The following CCDC7 variants were observed in gnomAD, a reference collection of about 807,000 sequenced individuals.
The protein encoded by CCDC7 is coiled-coil domain containing 7.
A neutral mutation model predicts 196.9 loss-of-function variants in CCDC7; 183 were observed. The ratio of observed to expected loss-of-function variants is 0.93; its 90% CI spans 0.82 to 1.05. The LOEUF (loss-of-function observed/expected upper bound fraction) is 1.05, where lower values mean the gene tolerates loss of function less well. Among genes scored for constraint, CCDC7 ranks in the 50% least tolerant of loss-of-function variants. The pLI is 0.00. For synonymous variants in CCDC7, 525 were observed against 484.6 expected (o/e 1.08, Z -1.10); for missense variants, 1,540 against 1,482.2 (o/e 1.04, Z -0.64).
intron 21 of CCDC7, among the ~76,000 whole-genome samples, chr10:32,669,501 T>A (rs2073608430): frequency 6.6e-6 from 1 of 152,134 alleles, no homozygotes; most frequent in African/African-American, 2.4e-5. Context: ...TAGTAGTGTA[T>A]CCATGAGGTC....
chr10:32,613,378 A>AT (rs199715366), intron 18 of CCDC7, among the ~76,000 whole-genome samples: 16,303 of 151,848 alleles, frequency 0.11, 1,071 homozygotes, highest in South Asian at 0.25. Flanking sequence ...GGATTCATTG[A>AT]TTTTTTTGAA....
chr10:32,511,526 G>T, intron 9 of CCDC7: 1 of 1,604,148 alleles, frequency 6.2e-7, no homozygotes, highest in South Asian at 1.1e-5. Flanking sequence ...TCCTTGGGTT[G>T]CCAAATAAAC....
At chr10:32,845,059 A>ATGGT (rs2136161787) in intron 33 of CCDC7, among the ~76,000 whole-genome samples, 184 bp from the exon 35 acceptor site, 1 of 151,932 alleles carries the variant, frequency 6.6e-6, no homozygotes, top group East Asian at 1.9e-4. Context: ...ACTAATATTT[A>ATGGT]TGGTTTATTC....
intron 13 of CCDC7, among the ~76,000 whole-genome samples, chr10:32,559,832 G>A (rs2055114900): frequency 6.6e-6 from 1 of 152,258 alleles, no homozygotes; most frequent in Admixed American, 6.5e-5. Flanking sequence ...GAATGACTTT[G>A]ACGAGTTGAG....
At chr10:32,505,325 T>G (rs1302762687) in intron 9 of CCDC7, among the ~76,000 whole-genome samples, 1 of 152,002 alleles carries the variant, frequency 6.6e-6, no homozygotes, top group Non-Finnish European at 1.5e-5. Flanking sequence ...TAGGCAGAGG[T>G]CCCTGCGGCC....
intron 23 of CCDC7, among the ~76,000 whole-genome samples, chr10:32,691,431 T>A (rs1410147000): frequency 6.6e-6 from 1 of 152,086 alleles, no homozygotes; most frequent in Non-Finnish European, 1.5e-5. Flanking sequence ...GGTGCCAAAT[T>A]ACCATTTTTA....
intron 13 of CCDC7, among the ~76,000 whole-genome samples, chr10:32,565,096 G>T (rs1025490674): frequency 7.9e-5 from 12 of 152,160 alleles, no homozygotes; most frequent in African/African-American, 2.9e-4. Flanking sequence ...TGTCTAGTGG[G>T]AACTCAGTCA....
intron 24 of CCDC7, among the ~76,000 whole-genome samples, chr10:32,706,112 A>C (rs1454836548): frequency 1.3e-5 from 2 of 152,266 alleles, no homozygotes; most frequent in East Asian, 3.8e-4. Context: ...AAATTATAAC[A>C]AACTGTCTCT....
At chr10:32,461,762 T>TGC (rs2035791857) in intron 3 of CCDC7, among the ~76,000 whole-genome samples, 1 of 121,958 alleles carries the variant, frequency 8.2e-6, no homozygotes, top group African/African-American at 3.0e-5. Context: ...CATATATATA[T>TGC]ATGCACATAT....
chr10:32,831,474 T>C (rs2092160407), intron 32 of CCDC7, among the ~76,000 whole-genome samples: 3 of 151,158 alleles, frequency 2.0e-5, no homozygotes, highest in Non-Finnish European at 4.4e-5. Flanking sequence ...CTATAAACTT[T>C]TATTTTTTTA....
At chr10:32,502,012 G>A (rs1008366966) in intron 9 of CCDC7, among the ~76,000 whole-genome samples, 2 of 152,142 alleles carry the variant, frequency 1.3e-5, no homozygotes, top group African/African-American at 2.4e-5. Flanking sequence ...ACTTCCTGGC[G>A]GCTTTGTTTA....
At chr10:32,690,649 C>A (rs938898560) in intron 23 of CCDC7, among the ~76,000 whole-genome samples, 3 of 152,184 alleles carry the variant, frequency 2.0e-5, no homozygotes, top group Non-Finnish European at 4.4e-5. Flanking sequence ...TCATTAAGCT[C>A]AACAAATGAC....
At chr10:32,850,774 AACACACACACACACAC>A (rs59662474) in intron 39 of CCDC7, among the ~76,000 whole-genome samples, 2,515 of 146,792 alleles carry the variant, frequency 0.017, 63 homozygotes, top group African/African-American at 0.054. Flanking sequence ...TGTCTCTGAC[AACACACACACACACAC>A]ACACACACAC....
At chr10:32,624,995 T>G (rs1048372954) in intron 18 of CCDC7, among the ~76,000 whole-genome samples, 3 of 144,370 alleles carry the variant, frequency 2.1e-5, no homozygotes, top group Non-Finnish European at 4.5e-5. Flanking sequence ...TTTTTTTTTT[T>G]TTTTTTTTTT....
chr10:32,865,760 C>G (rs2094179946), intron 41 of CCDC7, among the ~76,000 whole-genome samples: 1 of 151,750 alleles, frequency 6.6e-6, no homozygotes, highest in East Asian at 1.9e-4. Flanking sequence ...ATATTGAGCT[C>G]TAGTCATATG....
At chr10:32,515,802 G>A (rs536405818) in intron 9 of CCDC7, among the ~76,000 whole-genome samples, 1 of 152,080 alleles carries the variant, frequency 6.6e-6, no homozygotes, top group East Asian at 1.9e-4. Context: ...GCCTCCCAAA[G>A]TGCTGGGATT....
chr10:32,817,125 T>C (rs2088845170), intron 31 of CCDC7, among the ~76,000 whole-genome samples: 1 of 151,692 alleles, frequency 6.6e-6, no homozygotes. Context: ...GAATAACCAA[T>C]GCAGAGAAGT....
intron 20 of CCDC7, among the ~76,000 whole-genome samples, chr10:32,654,217 C>T (rs536378709): frequency 6.6e-6 from 1 of 152,236 alleles, no homozygotes; most frequent in South Asian, 2.1e-4. Context: ...GATATTATTA[C>T]ACTTTAATTC....
upstream of CCDC7, among the ~76,000 whole-genome samples, chr10:32,450,091 A>C (rs566221822): frequency 8.7e-4 from 133 of 152,370 alleles, no homozygotes; most frequent in African/African-American, 3.2e-3. Flanking sequence ...TGGGTGGCTT[A>C]GAACAACAGA....
Sources: allele counts gnomAD v4.1 joint callset (sites outside exome capture counted in the v4.1 genomes callset), GRCh38; gene constraint gnomAD v4.1.1; transcripts MANE v1.5; gene names NCBI Gene and HGNC (gene_info 2026-07-23, HGNC 2026-07-21).